Variants in LMNTD1 observed in about 807,000 individuals in gnomAD.
LMNTD1 encodes the protein lamin tail domain-containing protein 1.
LMNTD1 carries 35 observed loss-of-function variants against 50.9 expected under a neutral mutation model. That is an observed-to-expected ratio of 0.69 (90% CI 0.53 to 0.91). The LOEUF is 0.91. Ranked by LOEUF, LMNTD1 falls within the 40% of genes least tolerant of loss-of-function variation. The pLI, the probability that LMNTD1 is intolerant of heterozygous loss-of-function variation, is 0.00. For missense variants in LMNTD1, 470 were observed against 475.5 expected, an observed-to-expected ratio of 0.99 and a Z score of 0.11; for synonymous variants, 153 against 161.9, an observed-to-expected ratio of 0.94 and a Z score of 0.42.
chr12:25,477,744 C>T (rs1938317131), intron 9 of LMNTD1, among the ~76,000 whole-genome samples: 1 of 152,006 alleles, frequency 6.6e-6, no homozygotes, highest in African/African-American at 2.4e-5. Context: ...ACCTTTATCA[C>T]AGGGCATGGT....
At chr12:25,525,147 G>A (rs551250040) in intron 6 of LMNTD1, among the ~76,000 whole-genome samples, 33 of 152,166 alleles carry the variant, frequency 2.2e-4, no homozygotes, top group African/African-American at 7.5e-4. Context: ...CTTTTTTGTT[G>A]TTGTAAAAAG....
At chr12:25,576,909 T>C (rs1037552265) in intron 1 of LMNTD1, among the ~76,000 whole-genome samples, 27 of 152,190 alleles carry the variant, frequency 1.8e-4, no homozygotes, top group Non-Finnish European at 4.0e-4. Context: ...TTTCTACATA[T>C]GGCTAGCCAG....
chr12:25,528,521 A>G (rs1316894462), intron 4 of LMNTD1, among the ~76,000 whole-genome samples: 1 of 152,208 alleles, frequency 6.6e-6, no homozygotes, highest in Admixed American at 6.5e-5. Context: ...CTGATTGACA[A>G]CAAGTTGTCA....
chr12:25,614,266 T>C (rs1001903301), intron 1 of LMNTD1, among the ~76,000 whole-genome samples: 1 of 152,116 alleles, frequency 6.6e-6, no homozygotes, highest in Non-Finnish European at 1.5e-5. Flanking sequence ...TTCTGCTTCA[T>C]TTCCAACTTC....
chr12:25,485,055 T>C (rs1206375674), intron 9 of LMNTD1, among the ~76,000 whole-genome samples: 1 of 151,602 alleles, frequency 6.6e-6, no homozygotes, highest in East Asian at 1.9e-4. Context: ...GTATTTCTAG[T>C]TCTAGATCCC....
At chr12:25,617,117 C>T (rs1165783768) in intron 1 of LMNTD1, among the ~76,000 whole-genome samples, 1 of 152,120 alleles carries the variant, frequency 6.6e-6, no homozygotes, top group Non-Finnish European at 1.5e-5. Context: ...ATAACTTACA[C>T]GTCTAGTAAG....
At chr12:25,498,121 C>A (rs185284293) in intron 9 of LMNTD1, among the ~76,000 whole-genome samples, 1 of 152,230 alleles carries the variant, frequency 6.6e-6, no homozygotes, top group Non-Finnish European at 1.5e-5. Flanking sequence ...AGCAATCATA[C>A]TTTCTCACTA....
intron 1 of LMNTD1, among the ~76,000 whole-genome samples, chr12:25,638,425 T>C (rs1440569924): frequency 6.6e-6 from 1 of 152,040 alleles, no homozygotes; most frequent in Admixed American, 6.5e-5. Flanking sequence ...AACATGATCC[T>C]GTATGTAGAA....
intron 1 of LMNTD1, among the ~76,000 whole-genome samples, chr12:25,619,321 CA>C (rs1272362140): frequency 4.8e-5 from 7 of 145,614 alleles, no homozygotes; most frequent in African/African-American, 1.8e-4. Context: ...CCAAATAAAA[CA>C]AAAAACAAAA....
chr12:25,591,984 T>G (rs1273063179), intron 1 of LMNTD1, among the ~76,000 whole-genome samples: 1 of 152,024 alleles, frequency 6.6e-6, no homozygotes, highest in Non-Finnish European at 1.5e-5. Flanking sequence ...AACCACAGAG[T>G]TATTGGGTTT....
At chr12:25,560,233 AG>A in intron 1 of LMNTD1, among the ~76,000 whole-genome samples, 1 of 152,328 alleles carries the variant, frequency 6.6e-6, no homozygotes, top group African/African-American at 2.4e-5. Context: ...GGTGTAAGGA[AG>A]GGATCCAGTT....
intron 3 of LMNTD1, among the ~76,000 whole-genome samples, chr12:25,546,902 A>AT (rs1943469212): frequency 6.6e-6 from 1 of 151,802 alleles, no homozygotes; most frequent in East Asian, 1.9e-4. Flanking sequence ...TCAAATTTAG[A>AT]TATGTTACAT....
chr12:25,638,705 G>T (rs965225825), intron 1 of LMNTD1, among the ~76,000 whole-genome samples: 6 of 152,062 alleles, frequency 3.9e-5, no homozygotes, highest in South Asian at 2.1e-4. Flanking sequence ...GGAACACATT[G>T]CATGTTGATA....
At chr12:25,591,328 TCAC>T (rs1945689189) in intron 1 of LMNTD1, among the ~76,000 whole-genome samples, 1 of 152,256 alleles carries the variant, frequency 6.6e-6, no homozygotes, top group Non-Finnish European at 1.5e-5. Flanking sequence ...CAGGCAGCAT[TCAC>T]CACAAGGTGG....
At chr12:25,590,114 A>G (rs1945650644) in intron 1 of LMNTD1, among the ~76,000 whole-genome samples, 1 of 152,092 alleles carries the variant, frequency 6.6e-6, no homozygotes, top group East Asian at 1.9e-4. Flanking sequence ...TACACACAAT[A>G]CTTGGTTCTA....
chr12:25,519,234 T>G (rs1941052212), intron 7 of LMNTD1, among the ~76,000 whole-genome samples: 1 of 152,160 alleles, frequency 6.6e-6, no homozygotes, highest in South Asian at 2.1e-4. Context: ...TGCTAAAGAC[T>G]TGGGGATACC....
At chr12:25,617,313 T>G (rs1038217138) in intron 1 of LMNTD1, among the ~76,000 whole-genome samples, 23 of 152,236 alleles carry the variant, frequency 1.5e-4, no homozygotes, top group African/African-American at 5.3e-4. Context: ...AGTGTCCCTG[T>G]GCAGTCTTGG....
chr12:25,495,005 T>C (rs1353836686), intron 9 of LMNTD1, among the ~76,000 whole-genome samples: 1 of 152,168 alleles, frequency 6.6e-6, no homozygotes, highest in Non-Finnish European at 1.5e-5. Context: ...AAAGTTGTAT[T>C]GTTATTACGA....
chr12:25,614,820 C>A (rs1262687970), intron 1 of LMNTD1, among the ~76,000 whole-genome samples: 1 of 152,098 alleles, frequency 6.6e-6, no homozygotes, highest in Non-Finnish European at 1.5e-5. Context: ...AACTGGAAGT[C>A]CAAGACCAAG....
Sources: allele counts gnomAD v4.1 joint callset (sites outside exome capture counted in the v4.1 genomes callset), GRCh38; gene constraint gnomAD v4.1.1; transcripts MANE v1.5; gene names NCBI Gene and HGNC (gene_info 2026-07-23, HGNC 2026-07-21).